REPS2: variants seen among roughly 807,000 people sequenced by gnomAD.
The protein encoded by REPS2 is RALBP1 associated Eps domain containing 2.
In REPS2, 23 loss-of-function variants were observed where a neutral mutation model predicts 53.6. The ratio of observed to expected loss-of-function variants is 0.43; its 90% CI spans 0.31 to 0.61. REPS2 has a LOEUF of 0.61. Ranked by LOEUF, REPS2 falls within the 20% of genes least tolerant of loss-of-function variation. REPS2 has a pLI of 0.11. For synonymous variants in REPS2, 238 were observed against 218.6 expected (o/e 1.09, Z -0.78); for missense variants, 446 against 534.9 (o/e 0.83, Z 1.64).
chrX:17,169,621 C>CT, the REPS2 span, among the ~76,000 whole-genome samples: 1 of 111,733 alleles, frequency 8.9e-6, no homozygotes, highest in Non-Finnish European at 1.9e-5. Context: ...AGTTGAGGCT[C>CT]TAGTGAGCTG....
At chrX:17,077,746 G>T (rs1431392282) in intron 13 of REPS2, among the ~76,000 whole-genome samples, 1 of 112,501 alleles carries the variant, frequency 8.9e-6, no homozygotes, top group East Asian at 2.8e-4. Flanking sequence ...AAGATAGATC[G>T]CTGTCTGTCA....
At chrX:17,082,572 A>G (rs2062472048) in intron 13 of REPS2, among the ~76,000 whole-genome samples, 1 of 112,405 alleles carries the variant, frequency 8.9e-6, no homozygotes, top group Non-Finnish European at 1.9e-5. Flanking sequence ...CTTTAGATAT[A>G]CTGATAATAA....
chrX:17,064,418 A>T (rs1361292019), intron 9 of REPS2, among the ~76,000 whole-genome samples: 1 of 111,969 alleles, frequency 8.9e-6, no homozygotes, highest in Non-Finnish European at 1.9e-5. Context: ...CGATGACTCC[A>T]GTATAGGTGG....
chrX:17,013,622 CTCTGTGTGTG>C (rs1486293375), intron 2 of REPS2, among the ~76,000 whole-genome samples: 1 of 40,548 alleles, frequency 2.5e-5, no homozygotes, highest in African/African-American at 1.3e-4. Context: ...TTGTAGCTGG[CTCTGTGTGTG>C]TGTGTGTGTG....
Position 17,039,736 on chromosome X carries a change from G to C in REPS2, c.772-7611G>C, listed in dbSNP as rs768421077. On this transcript the variant is annotated intron_variant, in intron 5 of 17. Transcript: ENST00000357277. ...AGTTTGTATTCTGGCTCTACCATGTGCCATAGGTGTGTGGTCTTGGTAAAT... is the reference window on the plus strand; with the variant it reads ...AGTTTGTATTCTGGCTCTACCATGTCCCATAGGTGTGTGGTCTTGGTAAAT... Among the ~76,000 whole-genome samples the C allele has an allele frequency of 9.8e-5, 11 of 112,277 alleles. No homozygotes were observed. The South Asian group carries it at 2.2e-3, about 22-fold the overall frequency.
rs2063568952 is a variant in REPS2, at chrX:17,151,511, T to C, written c.*4030T>C. 1 of 112,969 alleles carries C rather than the reference T, an allele frequency of 8.9e-6. No individual in the cohort carries two copies. Among genetic ancestry groups the C allele is most frequent in the Non-Finnish European group, 1.9e-5 (1 of 53,320 alleles). The allele number at this position is 112,969 out of a possible 1,213,427, so 9.3% of individuals were successfully genotyped here. On this transcript the variant is annotated 3_prime_UTR_variant, in exon 18 of 18. Coordinates refer to ENST00000357277, the MANE Select transcript of REPS2 (RefSeq NM_004726.3). ...TAAGCAGTAGTTGGAAACATCTCAA[T>C]TACAGTGTAACACCTTAGAGCTAAA...
intron 1 of REPS2, among the ~76,000 whole-genome samples, chrX:16,951,500 TACACACACACACAC>T (rs1157042780): frequency 0.019 from 1,159 of 60,094 alleles, 43 homozygotes; most frequent in African/African-American, 0.07. Context: ...AAACCCCATC[TACACACACACACAC>T]ACACACACAC....
chrX:17,059,291 G>A (rs1240275287), intron 8 of REPS2, among the ~76,000 whole-genome samples: 4 of 104,848 alleles, frequency 3.8e-5, no homozygotes, highest in Non-Finnish European at 7.8e-5. Context: ...CAACACGCCC[G>A]GCCTAGTGTT....
intron 9 of REPS2, among the ~76,000 whole-genome samples, chrX:17,064,445 G>A (rs2062200105): frequency 8.9e-6 from 1 of 111,778 alleles, no homozygotes; most frequent in Admixed American, 9.5e-5. Context: ...TCTGAACAAA[G>A]CTGCAGCTGA....
chrX:17,013,848 C>A (rs2061458598), intron 2 of REPS2, among the ~76,000 whole-genome samples: 1 of 111,038 alleles, frequency 9.0e-6, no homozygotes, highest in South Asian at 3.9e-4. Context: ...CACAGAGCTG[C>A]TTTGGACAAA....
intron 1 of REPS2, among the ~76,000 whole-genome samples, chrX:16,968,510 G>T (rs1259521451): frequency 1.5e-3 from 134 of 91,933 alleles, no homozygotes; most frequent in East Asian, 3.3e-3. Context: ...GCGGCTGGCC[G>T]GGCGGGGGGC....
intron 5 of REPS2, 142 bp downstream of exon 5, chrX:17,029,765 G>T: frequency 2.3e-6 from 1 of 438,059 alleles, no homozygotes; most frequent in Non-Finnish European, 3.9e-6. Flanking sequence ...TGTCTTGTTT[G>T]GTTGCTTGTA....
intron 2 of REPS2, among the ~76,000 whole-genome samples, chrX:17,013,069 C>CT (rs768575000): frequency 8.1e-4 from 91 of 112,460 alleles, no homozygotes; most frequent in Non-Finnish European, 1.6e-3. Flanking sequence ...CCTTTAGGGA[C>CT]TTTCGGCAAG....
chrX:17,002,426 G>A (rs1404457939), intron 1 of REPS2, among the ~76,000 whole-genome samples: 2 of 111,853 alleles, frequency 1.8e-5, no homozygotes, highest in African/African-American at 6.5e-5. Context: ...CTCTTTAGCA[G>A]TGTCATTTGG....
At chrX:16,971,775 CTG>C (rs1162439154) in intron 1 of REPS2, among the ~76,000 whole-genome samples, 1 of 112,167 alleles carries the variant, frequency 8.9e-6, no homozygotes. Flanking sequence ...TTTGAACAAA[CTG>C]TTCTTTTCCT....
intron 1 of REPS2, among the ~76,000 whole-genome samples, chrX:16,998,337 C>T (rs183891815): frequency 5.4e-4 from 60 of 112,084 alleles, no homozygotes; most frequent in African/African-American, 1.8e-3. Flanking sequence ...GTGTCCTAGC[C>T]ACCTTGTTTT....
chrX:17,041,528 C>T (rs765760679), intron 5 of REPS2, among the ~76,000 whole-genome samples: 3 of 112,316 alleles, frequency 2.7e-5, no homozygotes, highest in Non-Finnish European at 3.8e-5. Flanking sequence ...GTCAAGTCTT[C>T]TCACATCTTT....
intron 13 of REPS2, among the ~76,000 whole-genome samples, chrX:17,091,496 A>G (rs865866737): frequency 2.7e-5 from 3 of 112,167 alleles, no homozygotes; most frequent in Non-Finnish European, 5.6e-5. Flanking sequence ...TCATCTGTAA[A>G]GTGAAAGAAT....
intron 2 of REPS2, among the ~76,000 whole-genome samples, chrX:17,014,713 C>T (rs955526374): frequency 8.9e-6 from 1 of 112,067 alleles, no homozygotes; most frequent in Admixed American, 9.5e-5. Context: ...GAGAAGGGAG[C>T]CAGCAGTCAG....
Sources: allele counts gnomAD v4.1 joint callset (sites outside exome capture counted in the v4.1 genomes callset), GRCh38; gene constraint gnomAD v4.1.1; transcripts MANE v1.5; gene names NCBI Gene and HGNC (gene_info 2026-07-23, HGNC 2026-07-21).